Variants in RERG observed in about 807,000 individuals in gnomAD.
RERG encodes ras-related and estrogen-regulated growth inhibitor.
In RERG, 25 loss-of-function variants were observed where a neutral mutation model predicts 23.2. The observed-to-expected ratio is 1.08, with a 90% confidence interval of 0.79 to 1.50. The LOEUF is 1.50. Ranked by LOEUF, RERG falls within the 40% of genes most tolerant of loss-of-function variation. The pLI, the probability that RERG is intolerant of heterozygous loss-of-function variation, is 0.00. For synonymous variants in RERG, 81 were observed against 89.1 expected (o/e 0.91, Z 0.51); for missense variants, 253 against 250.1 (o/e 1.01, Z -0.08).
intron 2 of RERG, among the ~76,000 whole-genome samples, chr12:15,212,284 C>T (rs1865379108): frequency 6.6e-6 from 1 of 150,728 alleles, no homozygotes; most frequent in African/African-American, 2.4e-5. Context: ...TGGTCTCGAT[C>T]TCCTGACCTC....
chr12:15,206,224 T>C (rs530817194), intron 2 of RERG, among the ~76,000 whole-genome samples: 2 of 152,110 alleles, frequency 1.3e-5, no homozygotes, highest in Non-Finnish European at 2.9e-5. Context: ...CCTTCTATGA[T>C]GTAAAGAAAA....
intron 2 of RERG, among the ~76,000 whole-genome samples, chr12:15,123,704 G>A (rs58232421): frequency 0.047 from 7,102 of 150,796 alleles, 587 homozygotes; most frequent in African/African-American, 0.16. Flanking sequence ...ATGAAAATGG[G>A]TACTATAAAG....
intron 2 of RERG, among the ~76,000 whole-genome samples, chr12:15,174,475 A>AGTGTGTGTGTGTGTGT (rs35380924): frequency 2.7e-5 from 4 of 148,000 alleles, no homozygotes; most frequent in African/African-American, 1.0e-4. Flanking sequence ...GAGTTTGTTG[A>AGTGTGTGTGTGTGTGT]GTGTGTGTGT....
At chr12:15,206,034 T>A (rs570543669) in intron 2 of RERG, among the ~76,000 whole-genome samples, 1 of 152,110 alleles carries the variant, frequency 6.6e-6, no homozygotes, top group African/African-American at 2.4e-5. Flanking sequence ...ACTGAGATTC[T>A]ATCAGCAGAA....
chr12:15,218,085 A>C (rs1865466948), intron 1 of RERG: 1 of 152,374 alleles, frequency 6.6e-6, no homozygotes, highest in South Asian at 2.1e-4. Flanking sequence ...TCAAAGTTAA[A>C]TTTTTTCTCA....
intron 2 of RERG, among the ~76,000 whole-genome samples, chr12:15,190,314 T>TA (rs1409273790): frequency 6.6e-6 from 1 of 151,918 alleles, no homozygotes; most frequent in Non-Finnish European, 1.5e-5. Flanking sequence ...TGATAAACTT[T>TA]AAAAAAATCA....
chr12:15,170,066 A>T (rs1439650265), intron 2 of RERG, among the ~76,000 whole-genome samples: 1 of 152,064 alleles, frequency 6.6e-6, no homozygotes, highest in Non-Finnish European at 1.5e-5. Flanking sequence ...AACCCGCCAG[A>T]TTCAAAGTAA....
chr12:15,178,323 C>T (rs749137534), intron 2 of RERG, among the ~76,000 whole-genome samples: 12 of 152,062 alleles, frequency 7.9e-5, no homozygotes, highest in Non-Finnish European at 1.8e-4. Flanking sequence ...CTACAATATT[C>T]ATTATTATAT....
intron 2 of RERG, among the ~76,000 whole-genome samples, chr12:15,148,342 T>C (rs1412572783): frequency 6.6e-6 from 1 of 151,992 alleles, no homozygotes; most frequent in Non-Finnish European, 1.5e-5. Flanking sequence ...GGAATGTTAA[T>C]TGGAATAAAA....
intron 3 of RERG, chr12:15,114,563 A>G (rs1292968465): frequency 6.6e-6 from 1 of 152,236 alleles, no homozygotes; most frequent in African/African-American, 2.4e-5. Context: ...TTATAAAGTT[A>G]TAAAGCTAGG....
At chr12:15,220,966 G>GA (rs1865504740) in intron 1 of RERG, among the ~76,000 whole-genome samples, 2 of 152,192 alleles carry the variant, frequency 1.3e-5, no homozygotes, top group Non-Finnish European at 1.5e-5. Context: ...AGGCTAGGGA[G>GA]AAAATGCAGC....
intron 2 of RERG, among the ~76,000 whole-genome samples, chr12:15,134,133 A>G (rs1864102797): frequency 6.6e-6 from 1 of 151,938 alleles, no homozygotes; most frequent in African/African-American, 2.4e-5. Flanking sequence ...TCTTTCATGC[A>G]TCATTACTTT....
intron 2 of RERG, among the ~76,000 whole-genome samples, chr12:15,170,037 G>C (rs1051367014): frequency 6.6e-6 from 1 of 150,558 alleles, no homozygotes; most frequent in African/African-American, 2.4e-5. Flanking sequence ...AAGGTATTTT[G>C]TATTTCTAAT....
intron 3 of RERG, among the ~76,000 whole-genome samples, chr12:15,117,780 A>C (rs1316524892): frequency 6.6e-6 from 1 of 151,664 alleles, no homozygotes; most frequent in East Asian, 1.9e-4. Context: ...GGGTAATATG[A>C]CTCTTGGAGA....
At chr12:15,181,465 T>G (rs1053644493) in intron 2 of RERG, among the ~76,000 whole-genome samples, 2 of 152,148 alleles carry the variant, frequency 1.3e-5, no homozygotes, top group Admixed American at 6.5e-5. Flanking sequence ...AAGATGACAG[T>G]GTAGGGTGTT....
chr12:15,109,587 G>A, intron 4 of RERG, 70 bp from the exon 5 acceptor site: 1 of 1,216,840 alleles, frequency 8.2e-7, no homozygotes, highest in Non-Finnish European at 1.2e-6. Flanking sequence ...TGGTAATGCT[G>A]ACAGTAATGC....
intron 2 of RERG, among the ~76,000 whole-genome samples, chr12:15,184,689 A>C (rs781654831): frequency 1.2e-4 from 19 of 152,200 alleles, no homozygotes; most frequent in Non-Finnish European, 2.2e-4. Flanking sequence ...GTGTCATAAA[A>C]TCAGTCAGAG....
chr12:15,147,043 C>T (rs1315800468), intron 2 of RERG, among the ~76,000 whole-genome samples: 1 of 149,474 alleles, frequency 6.7e-6, no homozygotes, highest in Non-Finnish European at 1.5e-5. Flanking sequence ...TTGTGTCCAG[C>T]TTCTAAATCT....
intron 2 of RERG, among the ~76,000 whole-genome samples, chr12:15,152,902 C>T (rs1033455961): frequency 6.6e-6 from 1 of 151,970 alleles, no homozygotes; most frequent in African/African-American, 2.4e-5. Flanking sequence ...ATATTAAATT[C>T]TCTACTGTTT....
Sources: gnomAD v4.1 joint callset for allele counts (sites outside exome capture counted in the v4.1 genomes callset) on GRCh38, gnomAD v4.1.1 for gene constraint, MANE v1.5 for transcripts, NCBI Gene and HGNC (gene_info 2026-07-23, HGNC 2026-07-21) for gene names.